ANO6: variants seen among roughly 807,000 people sequenced by gnomAD.
The protein encoded by ANO6 is anoctamin-6.
Under a neutral mutation model 117.5 loss-of-function variants are expected in ANO6, and 106 were observed. That is an observed-to-expected ratio of 0.90 (90% confidence interval 0.77 to 1.06). The LOEUF (loss-of-function observed/expected upper bound fraction) is 1.06. Ranked by LOEUF, ANO6 falls within the 50% of genes least tolerant of loss-of-function variation. ANO6 has a pLI of 0.00. For synonymous variants in ANO6, 367 were observed against 385.1 expected, an observed-to-expected ratio of 0.95 and a Z score of 0.55; for missense variants, 955 against 1,121.1, an observed-to-expected ratio of 0.85 and a Z score of 2.12.
intron 1 of ANO6, among the ~76,000 whole-genome samples, chr12:45,297,211 A>G (rs1338428274): frequency 6.6e-6 from 1 of 152,124 alleles, no homozygotes. Context: ...GATAATTTTA[A>G]TGGCAACCAA....
At chr12:45,412,779 A>G (rs1483432196) in intron 16 of ANO6, among the ~76,000 whole-genome samples, 1 of 152,238 alleles carries the variant, frequency 6.6e-6, no homozygotes, top group Non-Finnish European at 1.5e-5. Flanking sequence ...TGCTGGGGAT[A>G]CCAGGGCACT....
intron 12 of ANO6, among the ~76,000 whole-genome samples, chr12:45,392,705 A>G (rs917854953): frequency 2.0e-5 from 3 of 152,206 alleles, no homozygotes; most frequent in Non-Finnish European, 4.4e-5. Flanking sequence ...GGTGATACCC[A>G]GGCAAACAGG....
intron 12 of ANO6, among the ~76,000 whole-genome samples, chr12:45,399,864 A>T (rs1444619662): frequency 6.6e-6 from 1 of 152,242 alleles, no homozygotes; most frequent in Non-Finnish European, 1.5e-5. Flanking sequence ...TCAGAAAAGT[A>T]TTAATGTTAG....
chr12:45,292,778 G>A, intron 1 of ANO6: 3 of 1,457,378 alleles, frequency 2.1e-6, no homozygotes, highest in Non-Finnish European at 1.8e-6. Context: ...GAGAAATTGT[G>A]CTTACTGAAA....
At chr12:45,232,498 T>C (rs1050378956) in intron 1 of ANO6, among the ~76,000 whole-genome samples, 2 of 152,242 alleles carry the variant, frequency 1.3e-5, no homozygotes, top group African/African-American at 2.4e-5. Flanking sequence ...CACTGGGAGA[T>C]GGCTGACAAG....
intron 7 of ANO6, among the ~76,000 whole-genome samples, chr12:45,352,616 A>C (rs1442336071): frequency 6.7e-6 from 1 of 150,256 alleles, no homozygotes; most frequent in African/African-American, 2.4e-5. Flanking sequence ...CTGTAGTCCC[A>C]GCTACTCAGG....
chr12:45,408,488 A>G (rs1943001162), intron 15 of ANO6, among the ~76,000 whole-genome samples: 1 of 152,186 alleles, frequency 6.6e-6, no homozygotes, highest in Non-Finnish European at 1.5e-5. Flanking sequence ...CATAAAAAAG[A>G]GACAGTGGGT....
intron 16 of ANO6, among the ~76,000 whole-genome samples, chr12:45,410,495 G>A (rs1167691823): frequency 2.0e-5 from 3 of 152,074 alleles, no homozygotes; most frequent in South Asian, 2.1e-4. Context: ...GCCTTTAAAC[G>A]GAAGCATCTC....
At chr12:45,225,629 C>T (rs1010318567) in intron 1 of ANO6, among the ~76,000 whole-genome samples, 6 of 152,208 alleles carry the variant, frequency 3.9e-5, no homozygotes. Flanking sequence ...GCTGGGACTA[C>T]AGGCACCCAC....
intron 2 of ANO6, among the ~76,000 whole-genome samples, chr12:45,323,249 C>A (rs1940341058): frequency 6.6e-6 from 1 of 152,172 alleles, no homozygotes; most frequent in African/African-American, 2.4e-5. Context: ...CTAAAAGCCT[C>A]TGATGTCCAA....
At chr12:45,327,137 CA>C (rs1422811817) in intron 2 of ANO6, among the ~76,000 whole-genome samples, 9 of 151,446 alleles carry the variant, frequency 5.9e-5, no homozygotes, top group African/African-American at 2.2e-4. Flanking sequence ...TAAGATTGTT[CA>C]AATAAGTGAA....
chr12:45,336,505 G>T (rs1940829065), intron 3 of ANO6, among the ~76,000 whole-genome samples: 1 of 151,988 alleles, frequency 6.6e-6, no homozygotes, highest in Non-Finnish European at 1.5e-5. Flanking sequence ...TCTTAAGATT[G>T]TAACACAGCT....
rs1016698934 is a variant in ANO6 at position 45,349,422 on chromosome 12, C to T, written c.747+791C>T. Among the ~76,000 whole-genome samples, 4 of 152,110 alleles carry T rather than the reference C, an allele frequency of 2.6e-5. 1 individual carries two copies. The highest frequency in any genetic ancestry group is 4.1e-4 in the South Asian group (2 of 4,828). ...TACTTCTCTAGCCGAGAACATCTCT[C>T]GTGAAATGAAATTTTTAAAATGTGA... is the stretch of plus-strand genomic sequence containing the variant. On this transcript the variant is annotated intron_variant, in intron 6 of 19. Coordinates refer to ENST00000320560, the MANE Select transcript of ANO6 (RefSeq NM_001025356.3).
intron 1 of ANO6, among the ~76,000 whole-genome samples, chr12:45,230,840 G>T (rs1029270412): frequency 2.0e-5 from 3 of 152,092 alleles, no homozygotes; most frequent in African/African-American, 7.2e-5. Context: ...TATTTCAATG[G>T]TTATTTTTAA....
chr12:45,348,105 C>T lies in ANO6; in HGVS notation c.423C>T (p.His141=). ...EVLCTYAEIM[H]IKLPLKPNDL... Reference sequence around the variant, plus strand: ...TATGTACGTATGCTGAGATAATGCACATCAAATTGCCTCTGAAACCCAATG... The same window carrying T: ...TATGTACGTATGCTGAGATAATGCATATCAAATTGCCTCTGAAACCCAATG... Residue 141 remains histidine (H), a synonymous_variant, in exon 5 of 20, where the codon CAC becomes CAT. Transcript: ENST00000320560. 1 of 1,614,030 alleles carries T rather than the reference C, an allele frequency of 6.2e-7. No individual in the cohort carries two copies. The highest frequency in any genetic ancestry group is 8.5e-7 in the Non-Finnish European group (1 of 1,179,956).
At chr12:45,365,326 G>A (rs1334436319) in intron 8 of ANO6, among the ~76,000 whole-genome samples, 1 of 152,112 alleles carries the variant, frequency 6.6e-6, no homozygotes, top group Non-Finnish European at 1.5e-5. Flanking sequence ...TGCAATCTCA[G>A]GAATATGTTG....
exon 20 of ANO6, chr12:45,439,700 G>T: frequency 6.6e-7 from 1 of 1,516,222 alleles, no homozygotes. Context: ...CCCAGGCTGG[G>T]ACACAGTGGC....
intron 1 of ANO6, among the ~76,000 whole-genome samples, chr12:45,270,740 G>T (rs1938368847): frequency 6.6e-6 from 1 of 151,910 alleles, no homozygotes; most frequent in African/African-American, 2.4e-5. Context: ...CTTCAGAAAA[G>T]AACTTCAGAA....
chr12:45,237,913 G>T (rs1335297267), intron 1 of ANO6, among the ~76,000 whole-genome samples: 1 of 152,084 alleles, frequency 6.6e-6, no homozygotes, highest in Non-Finnish European at 1.5e-5. Flanking sequence ...GCAGTGATTT[G>T]TAGTTCTCCT....
Sources: gnomAD v4.1 joint callset for allele counts (sites outside exome capture counted in the v4.1 genomes callset) on GRCh38, gnomAD v4.1.1 for gene constraint, MANE v1.5 for transcripts, NCBI Gene and HGNC (gene_info 2026-07-23, HGNC 2026-07-21) for gene names.